HERPUD2: variants seen among roughly 807,000 people sequenced by gnomAD.
The protein encoded by HERPUD2 is homocysteine-responsive endoplasmic reticulum-resident ubiquitin-like domain member 2 protein.
A neutral mutation model predicts 49.9 loss-of-function variants in HERPUD2; 13 were observed. That is an observed-to-expected ratio of 0.26 (90% confidence interval 0.17 to 0.41). The LOEUF is 0.41. Ranked by LOEUF, HERPUD2 falls within the 10% of genes least tolerant of loss-of-function variation. The pLI, the probability that HERPUD2 is intolerant of heterozygous loss-of-function variation, is 1.00. For missense variants in HERPUD2, 449 were observed against 492.2 expected (o/e 0.91, Z 0.83); for synonymous variants, 172 against 171.4 (o/e 1.00, Z -0.03).
chr7:35,633,578 A>T lies in HERPUD2; in HGVS notation c.*112T>A. Reference sequence around the variant, plus strand: ...CATGAGAAGCCTAAAGAAAAAAAACACCTCTGTACATGATGATCAAAAGAA... The same window carrying T: ...CATGAGAAGCCTAAAGAAAAAAAACTCCTCTGTACATGATGATCAAAAGAA... On this transcript the variant is annotated 3_prime_UTR_variant, in exon 9 of 9. Coordinates refer to ENST00000311350, the MANE Select transcript of HERPUD2 (RefSeq NM_022373.5). The T allele has an allele frequency of 2.5e-6, 2 of 800,232 alleles. No individual in the cohort carries two copies. Among genetic ancestry groups the T allele is most frequent in the Non-Finnish European group, 3.8e-6 (2 of 532,104 alleles). 49.6% of individuals were successfully genotyped at this position (800,232 alleles called of 1,614,324 possible).
intron 2 of HERPUD2, among the ~76,000 whole-genome samples, chr7:35,682,439 C>G (rs867184124): frequency 4.1e-5 from 6 of 147,642 alleles, no homozygotes; most frequent in Non-Finnish European, 8.9e-5. Context: ...CCATCCATGA[C>G]AAACCCACAG....
At chr7:35,657,321 CCT>C (rs1405331248) in intron 5 of HERPUD2, among the ~76,000 whole-genome samples, 3 of 151,956 alleles carry the variant, frequency 2.0e-5, no homozygotes, top group Non-Finnish European at 2.9e-5. Flanking sequence ...TAATTTTACC[CCT>C]GTTAGAATGG....
At chr7:35,692,153 T>C (rs771226055) in intron 2 of HERPUD2, among the ~76,000 whole-genome samples, 1 of 152,066 alleles carries the variant, frequency 6.6e-6, no homozygotes, top group African/African-American at 2.4e-5. Flanking sequence ...TGGGAAGGAG[T>C]TCTGTAACAG....
Position 35,670,344 on chromosome 7 carries a change from A to T in HERPUD2, c.226-16T>A. 7.9e-7 allele frequency: 1 copy of T among 1,265,858 alleles called. No homozygotes were observed. Among genetic ancestry groups the T allele is most frequent in the South Asian group, 1.7e-5 (1 of 58,234 alleles). The allele number at this position is 1,265,858 out of a possible 1,614,324, so 78.4% of individuals were successfully genotyped here. On this transcript the variant is annotated splice_polypyrimidine_tract_variant and intron_variant, in intron 3 of 8. Transcript: ENST00000311350. The stretch of plus-strand genomic sequence containing the variant: ...ACTCATCTTGCTAAAATTAAAGAAG[A>T]TTACATTTAAAGGGTAGTACTACAA...
In HERPUD2 at chr7:35,633,848, G is replaced by A. The variant is rs769664083; in HGVS notation, c.1063C>T (p.Arg355Cys). The change falls in exon 9 of 9, where the codon CGT becomes TGT. Residue 355 changes from arginine to cysteine, a missense_variant. Transcript: ENST00000311350. ...TCTTCAAGCCCATCATCCATAAGAC[G>A]CTCCTTTCAAGCAAAACAAGAAAGA... ...ANNLELEEME[R>C]LMDDGLEDES... The A allele has an allele frequency of 2.5e-6, 4 of 1,611,530 alleles. No homozygotes were observed. Among genetic ancestry groups the A allele is most frequent in the East Asian group, 2.2e-5 (1 of 44,834 alleles).
At chr7:35,691,301 G>A (rs144062354) in intron 2 of HERPUD2, among the ~76,000 whole-genome samples, 2 of 152,174 alleles carry the variant, frequency 1.3e-5, no homozygotes, top group East Asian at 1.9e-4. Context: ...AGGATCCCAA[G>A]ATTTTACAAC....
intron 2 of HERPUD2, among the ~76,000 whole-genome samples, chr7:35,683,920 G>A (rs570344960): frequency 5.9e-5 from 9 of 152,312 alleles, no homozygotes; most frequent in East Asian, 3.9e-4. Flanking sequence ...AGATGTTGGC[G>A]TGGCAGCGGT....
At chr7:35,637,059 G>A (rs1393003761) in intron 6 of HERPUD2, among the ~76,000 whole-genome samples, 1 of 152,020 alleles carries the variant, frequency 6.6e-6, no homozygotes, top group Non-Finnish European at 1.5e-5. Context: ...CTTGAACCCG[G>A]GAGGCGGAGG....
At chr7:35,656,840 T>A (rs1234093633) in intron 5 of HERPUD2, among the ~76,000 whole-genome samples, 1 of 152,092 alleles carries the variant, frequency 6.6e-6, no homozygotes, top group Non-Finnish European at 1.5e-5. Context: ...AACCCCTTTC[T>A]CTCACCATAT....
At chr7:35,675,842 G>T (rs552156889) in intron 2 of HERPUD2, among the ~76,000 whole-genome samples, 2 of 152,040 alleles carry the variant, frequency 1.3e-5, no homozygotes. Flanking sequence ...GTGCGATCAT[G>T]GTACACACTG....
At chr7:35,646,407 A>T (rs1382467506) in intron 5 of HERPUD2, among the ~76,000 whole-genome samples, 2 of 151,906 alleles carry the variant, frequency 1.3e-5, no homozygotes, top group Non-Finnish European at 2.9e-5. Context: ...AAAAAAAAAA[A>T]TTCAATTAGC....
chr7:35,675,735 T>A lies in HERPUD2; in HGVS notation c.148-2457A>T, dbSNP rs190592488. 2.7e-3 allele frequency among the ~76,000 whole-genome samples: 417 copies of A among 152,294 alleles called. 2 individuals carry two copies. Among genetic ancestry groups the A allele is most frequent in the South Asian group, 0.016 (75 of 4,822 alleles). ...TCTCATCCATCCCTCATTTCTTTTC[T>A]TCAAAGAGAATACTGTATTTTAATC... On this transcript the variant is annotated intron_variant, in intron 2 of 8. Transcript: ENST00000311350.
chr7:35,662,007 G>C (rs1014983669), intron 5 of HERPUD2, among the ~76,000 whole-genome samples: 1 of 152,154 alleles, frequency 6.6e-6, no homozygotes, highest in Non-Finnish European at 1.5e-5. Flanking sequence ...TATTGGCTGT[G>C]GGTGTGTCAT....
chr7:35,687,998 A>T (rs1362602712), intron 2 of HERPUD2, among the ~76,000 whole-genome samples: 1 of 152,212 alleles, frequency 6.6e-6, no homozygotes, highest in East Asian at 1.9e-4. Flanking sequence ...TAAAAATTTT[A>T]AAATATCTAT....
In HERPUD2 at chr7:35,672,246, A is replaced by G. The variant is rs564840112; in HGVS notation, c.225+955T>C. Among the ~76,000 whole-genome samples, 8 of 151,128 alleles carry G rather than the reference A, an allele frequency of 5.3e-5. 1 individual carries two copies. The South Asian group carries it at 1.7e-3, about 31-fold the overall frequency. ...TTCTGTTCAATTTTGCTATAAACCT[A>G]AAACAGCTCTAAAAAATTGTTTAAA... On this transcript the variant is annotated intron_variant, in intron 3 of 8. Transcript: ENST00000311350.
chr7:35,659,012 T>C (rs1785350556), intron 5 of HERPUD2, among the ~76,000 whole-genome samples: 1 of 152,184 alleles, frequency 6.6e-6, no homozygotes, highest in Non-Finnish European at 1.5e-5. Context: ...TGAGCAATTT[T>C]CAGTTTTAAT....
intron 5 of HERPUD2, among the ~76,000 whole-genome samples, chr7:35,661,717 T>C (rs372136318): frequency 6.6e-6 from 1 of 152,220 alleles, no homozygotes; most frequent in Non-Finnish European, 1.5e-5. Context: ...ATTTTGCACA[T>C]TGATTTTGTA....
rs75644927 is a variant in HERPUD2, at chr7:35,671,140, T to C, written c.226-812A>G. Among the ~76,000 whole-genome samples the C allele has an allele frequency of 9.7e-3, 1,481 of 152,200 alleles. 60 individuals carry two copies. The East Asian group carries it at 0.13, about 14-fold the overall frequency. ...TGGGGAGAAAGGGAAACAAAGCTAC[T>C]AGAAACTATGAATGTATCACTTGCC... On this transcript the variant is annotated intron_variant, in intron 3 of 8. Coordinates refer to ENST00000311350, the MANE Select transcript of HERPUD2 (RefSeq NM_022373.5).
intron 5 of HERPUD2, among the ~76,000 whole-genome samples, chr7:35,655,364 A>G (rs1785253978): frequency 6.6e-6 from 1 of 152,222 alleles, no homozygotes. Context: ...CATCAAAAAG[A>G]GAATACATCA....
Sources: allele counts gnomAD v4.1 joint callset (sites outside exome capture counted in the v4.1 genomes callset), GRCh38; gene constraint gnomAD v4.1.1; transcripts MANE v1.5; gene names NCBI Gene and HGNC (gene_info 2026-07-23, HGNC 2026-07-21).